Variants in NAV3 observed in about 807,000 individuals in gnomAD.
The protein encoded by NAV3 is neuron navigator 3.
A neutral mutation model predicts 244.7 loss-of-function variants in NAV3; 87 were observed. The observed-to-expected ratio is 0.36, with a 90% CI of 0.30 to 0.42. NAV3 has a LOEUF of 0.42. Ranked by LOEUF, NAV3 falls within the 20% of genes least tolerant of loss-of-function variation. The pLI is 1.00. For missense variants in NAV3, 2,663 were observed against 2,893.3 expected (o/e 0.92, Z 1.83); for synonymous variants, 1,126 against 1,042.2 (o/e 1.08, Z -1.55).
At chr12:78,083,270 G>T (rs539540735) in intron 12 of NAV3, among the ~76,000 whole-genome samples, 6 of 152,172 alleles carry the variant, frequency 3.9e-5, no homozygotes, top group African/African-American at 1.2e-4. Context: ...CTATGAGTAG[G>T]TTGATACATT....
chr12:77,747,837 A>G (rs1335583329), intron 2 of NAV3, among the ~76,000 whole-genome samples: 5 of 152,092 alleles, frequency 3.3e-5, no homozygotes, highest in Non-Finnish European at 7.4e-5. Context: ...GAACAATGAG[A>G]ACACATGGAC....
intron 2 of NAV3, among the ~76,000 whole-genome samples, chr12:77,694,577 A>G (rs1206165566): frequency 6.6e-6 from 1 of 152,086 alleles, no homozygotes; most frequent in Non-Finnish European, 1.5e-5. Flanking sequence ...TGTATAACAG[A>G]TGACAGCCTA....
intron 5 of NAV3, among the ~76,000 whole-genome samples, chr12:77,993,981 C>T (rs1871887544): frequency 8.1e-6 from 1 of 123,078 alleles, no homozygotes; most frequent in Admixed American, 8.0e-5. Flanking sequence ...GATTCCAGAA[C>T]TCTTAGGTAA....
intron 1 of NAV3, among the ~76,000 whole-genome samples, chr12:77,879,987 TA>T (rs1882420523): frequency 1.3e-5 from 2 of 152,276 alleles, no homozygotes; most frequent in African/African-American, 4.8e-5. Context: ...ATAATCCTGA[TA>T]ATCCCTGCCT....
chr12:77,835,657 T>C (rs951207052), intron 1 of NAV3, among the ~76,000 whole-genome samples: 6 of 152,244 alleles, frequency 3.9e-5, no homozygotes, highest in African/African-American at 1.4e-4. Flanking sequence ...CAATTGCTCA[T>C]CCTTTGATGG....
In NAV3 at chr12:78,122,354, A is replaced by C. The variant is rs2138703316; in HGVS notation, c.4164A>C (p.Gly1388=). Reference sequence around the variant, plus strand: ...TCAGCCATCATGGCTCCTTGTCTGGACTGACCACAGGCACTCACGAGGTCC... The same window carrying C: ...TCAGCCATCATGGCTCCTTGTCTGGCCTGACCACAGGCACTCACGAGGTCC... ...LPLSHHGSLS[G]LTTGTHEVQS... Residue 1388 remains glycine, a synonymous_variant, in exon 16 of 40, where the codon GGA becomes GGC. Coordinates refer to ENST00000397909, the MANE Select transcript of NAV3 (RefSeq NM_001024383.2). 1 of 1,614,000 alleles carries C rather than the reference A, an allele frequency of 6.2e-7. No homozygotes were observed. Among genetic ancestry groups the C allele is most frequent in the South Asian group, 1.1e-5 (1 of 91,068 alleles).
intron 2 of NAV3, among the ~76,000 whole-genome samples, chr12:77,589,964 G>A (rs1425017727): frequency 6.6e-6 from 1 of 152,184 alleles, no homozygotes; most frequent in African/African-American, 2.4e-5. Context: ...TTCCCATAGG[G>A]TTTTTTGAGA....
intron 5 of NAV3, among the ~76,000 whole-genome samples, chr12:77,974,223 A>T (rs759516667): frequency 6.6e-5 from 10 of 152,088 alleles, no homozygotes; most frequent in South Asian, 2.1e-4. Context: ...ATCAATTTTT[A>T]AAAATTTAAA....
intron 2 of NAV3, among the ~76,000 whole-genome samples, chr12:77,655,157 C>T (rs1047084548): frequency 1.3e-5 from 2 of 152,018 alleles, no homozygotes; most frequent in Non-Finnish European, 1.5e-5. Context: ...CAAACTACTC[C>T]GAGCTACAGG....
intron 12 of NAV3, among the ~76,000 whole-genome samples, chr12:78,069,801 T>C (rs999161806): frequency 6.6e-6 from 1 of 151,944 alleles, no homozygotes; most frequent in Non-Finnish European, 1.5e-5. Context: ...TGTATGTTAG[T>C]GTGGGTATAT....
intron 2 of NAV3, among the ~76,000 whole-genome samples, chr12:77,595,632 A>G (rs1271222906): frequency 6.6e-6 from 1 of 152,176 alleles, no homozygotes; most frequent in Non-Finnish European, 1.5e-5. Flanking sequence ...TCAAAACATC[A>G]TGTCATAAGC....
chr12:77,948,766 T>C (rs1305231879), intron 3 of NAV3, among the ~76,000 whole-genome samples: 3 of 149,610 alleles, frequency 2.0e-5, no homozygotes, highest in African/African-American at 7.4e-5. Context: ...TTTAACAATC[T>C]TAGTTTAGGA....
chr12:77,865,743 TATATATATGCATATACACATATACTAC>T (rs1332199142), intron 1 of NAV3, among the ~76,000 whole-genome samples: 2 of 151,688 alleles, frequency 1.3e-5, no homozygotes, highest in Non-Finnish European at 2.9e-5. Flanking sequence ...TCTCTCTACA[TATATATATGCATATACACATATACTAC>T]ATATATATGC....
At chr12:77,998,969 C>A (rs1259186168) in intron 7 of NAV3, among the ~76,000 whole-genome samples, 2 of 152,132 alleles carry the variant, frequency 1.3e-5, no homozygotes, top group African/African-American at 4.8e-5. Context: ...CCCCAAAAGA[C>A]AAATTATTCA....
intron 1 of NAV3, among the ~76,000 whole-genome samples, chr12:77,850,865 A>G (rs1343186919): frequency 2.0e-5 from 3 of 152,128 alleles, no homozygotes; most frequent in Admixed American, 6.5e-5. Flanking sequence ...GTCACTGGAC[A>G]TGTGCTGTGA....
At chr12:78,201,815 C>A (rs1959734000) in intron 38 of NAV3, among the ~76,000 whole-genome samples, 1 of 152,004 alleles carries the variant, frequency 6.6e-6, no homozygotes, top group African/African-American at 2.4e-5. Flanking sequence ...CACATTCAGT[C>A]ATCTACAATA....
intron 2 of NAV3, among the ~76,000 whole-genome samples, chr12:77,741,148 C>CAAAAAAAAAAAAAAAAAAAAAAAAAAA: frequency 2.8e-4 from 19 of 68,666 alleles, no homozygotes; most frequent in Middle Eastern, 0.014. Context: ...AAAAAAAAGA[C>CAAAAAAAAAAAAAAAAAAAAAAAAAAA]AAAAAAAAAA....
chr12:77,620,023 T>A (rs540932472), intron 2 of NAV3, among the ~76,000 whole-genome samples: 1 of 152,312 alleles, frequency 6.6e-6, no homozygotes, highest in South Asian at 2.1e-4. Context: ...ACAAACAGAT[T>A]TTCTTCATTG....
intron 12 of NAV3, among the ~76,000 whole-genome samples, chr12:78,116,191 A>G (rs1409427632): frequency 1.3e-5 from 2 of 152,172 alleles, no homozygotes; most frequent in East Asian, 3.9e-4. Context: ...ATAAGAGGAT[A>G]CTGTATGTTA....
Sources: allele counts gnomAD v4.1 joint callset (sites outside exome capture counted in the v4.1 genomes callset), GRCh38; gene constraint gnomAD v4.1.1; transcripts MANE v1.5; gene names NCBI Gene and HGNC (gene_info 2026-07-23, HGNC 2026-07-21).